ZNF547: variants seen among roughly 807,000 people sequenced by gnomAD.
The protein encoded by ZNF547 is zinc finger protein 547.
In ZNF547, 4 loss-of-function variants were observed where a neutral mutation model predicts 7.7. That is an observed-to-expected ratio of 0.52 (90% CI 0.26 to 1.20). The LOEUF (loss-of-function observed/expected upper bound fraction) is 1.20. ZNF547 is among the 50% of genes most tolerant of loss of function. ZNF547 has a pLI of 0.14. For missense variants in ZNF547, 449 were observed against 485.8 expected (o/e 0.92, Z 0.71); for synonymous variants, 166 against 166.2 (o/e 1.00, Z 0.01).
Position 57,371,815 on chromosome 19 carries a change from T to G in ZNF547, c.58T>G (p.Phe20Val). Residue 20 changes from phenylalanine to valine, a missense_variant, in exon 3 of 4, where the codon TTC (phenylalanine) becomes GTC (valine). Transcript: ENST00000282282. The stretch of plus-strand genomic sequence containing the variant: ...GGTTTTTGAAGACGTGGCCATATAT[T>G]TCTCCCAGGAGGAGTGGGGGCATCT... ...HVVFEDVAIY[F>V]SQEEWGHLDE... is the part of the protein sequence containing the mutation. The G allele has an allele frequency of 1.2e-6, 2 of 1,613,316 alleles. No individual in the cohort carries two copies. The highest frequency in any genetic ancestry group is 1.7e-6 in the Non-Finnish European group (2 of 1,179,736).
chr19:57,373,035 T>C (rs2088515868), intron 3 of ZNF547, among the ~76,000 whole-genome samples: 1 of 152,256 alleles, frequency 6.6e-6, no homozygotes, highest in African/African-American at 2.4e-5. Flanking sequence ...CTTCTTCTCA[T>C]TGGCCTTAGT....
At chr19:57,377,097 A>G (rs1294051433) in intron 3 of ZNF547, 31 bp from the exon 4 acceptor site, 2 of 1,591,966 alleles carry the variant, frequency 1.3e-6, no homozygotes, top group East Asian at 2.2e-5. Context: ...CACAGTCAAC[A>G]TGCACCTCAC....
intron 1 of ZNF547, chr19:57,365,319 T>C: frequency 1.8e-6 from 2 of 1,100,372 alleles, no homozygotes; most frequent in Non-Finnish European, 2.7e-6. Flanking sequence ...ATGTGTACAT[T>C]GTAAATTACT....
chr19:57,372,034 T>A, intron 3 of ZNF547, 126 bp downstream of exon 3: 1 of 1,416,382 alleles, frequency 7.1e-7, no homozygotes, highest in Non-Finnish European at 9.4e-7. Flanking sequence ...TCCTGACATA[T>A]GTTCCATGAG....
At chr19:57,375,427 G>A (rs903832838) in intron 3 of ZNF547, among the ~76,000 whole-genome samples, 1 of 151,692 alleles carries the variant, frequency 6.6e-6, no homozygotes, top group African/African-American at 2.4e-5. Context: ...TGAGGTGGAC[G>A]GGTCACTTGA....
At chr19:57,365,288 C>T (rs748713518) in intron 1 of ZNF547, 15 of 1,386,584 alleles carry the variant, frequency 1.1e-5, no homozygotes, top group East Asian at 2.5e-5. Context: ...ATTATATCAC[C>T]ACAATGGTGT....
chr19:57,364,021 C>G (rs2088443244), intron 1 of ZNF547: 1 of 152,186 alleles, frequency 6.6e-6, no homozygotes, highest in African/African-American at 2.4e-5. Flanking sequence ...GGAAGGTTGT[C>G]AAGGGAAGAC....
At chr19:57,364,342 A>G (rs574888521) in intron 1 of ZNF547, 67 of 160,262 alleles carry the variant, frequency 4.2e-4, no homozygotes, top group Admixed American at 8.3e-4. Context: ...CATGGGTTGG[A>G]GTTTGGCCAG....
intron 3 of ZNF547, among the ~76,000 whole-genome samples, chr19:57,375,661 CAAAA>C (rs67290425): frequency 2.2e-5 from 2 of 91,496 alleles, no homozygotes; most frequent in African/African-American, 7.8e-5. Context: ...GAGTTTGTCT[CAAAA>C]AAAAAAAAAA....
intron 2 of ZNF547, chr19:57,371,562 T>C: frequency 1.6e-6 from 1 of 626,770 alleles, no homozygotes; most frequent in Non-Finnish European, 2.6e-6. Context: ...TGTCCCTGGG[T>C]TGATTTAGAG....
intron 2 of ZNF547, among the ~76,000 whole-genome samples, chr19:57,370,007 C>G (rs1404716109): frequency 7.2e-6 from 1 of 138,084 alleles, no homozygotes. Context: ...ATTCTTCTGC[C>G]TCAGCCTCCT....
chr19:57,366,524 G>A (rs140193851), intron 1 of ZNF547, among the ~76,000 whole-genome samples: 25 of 145,682 alleles, frequency 1.7e-4, no homozygotes, highest in African/African-American at 4.9e-4. Flanking sequence ...ATAAGCTTTC[G>A]ACTTGCCCAA....
chr19:57,369,176 C>T (rs998470128), intron 2 of ZNF547, among the ~76,000 whole-genome samples: 49 of 152,068 alleles, frequency 3.2e-4, no homozygotes, highest in African/African-American at 1.1e-3. Context: ...GATGTTCCTG[C>T]AGCAGTCTAG....
chr19:57,371,974 G>T, intron 3 of ZNF547, 66 bp downstream of exon 3: 12 of 1,493,876 alleles, frequency 8.0e-6, no homozygotes, highest in Non-Finnish European at 1.1e-5. Context: ...CCTGAAGGCA[G>T]CTCTGCGTTT....
intron 1 of ZNF547, chr19:57,364,817 G>A (rs778395292): frequency 1.3e-6 from 2 of 1,588,894 alleles, no homozygotes; most frequent in Non-Finnish European, 1.7e-6. Flanking sequence ...CGCTGCAGGA[G>A]CCATATATTG....
chr19:57,372,258 A>G (rs1460828225), intron 3 of ZNF547, among the ~76,000 whole-genome samples: 1 of 152,098 alleles, frequency 6.6e-6, no homozygotes, highest in African/African-American at 2.4e-5. Context: ...TTGTTCCTGG[A>G]ATTTCTGGCA....
At chr19:57,367,818 T>C (rs1335632190) in intron 1 of ZNF547, among the ~76,000 whole-genome samples, 1 of 152,198 alleles carries the variant, frequency 6.6e-6, no homozygotes, top group Non-Finnish European at 1.5e-5. Context: ...GGCACTGCTT[T>C]TTCCCCTTCT....
intron 3 of ZNF547, among the ~76,000 whole-genome samples, chr19:57,375,306 T>A (rs2088529160): frequency 6.6e-6 from 1 of 151,876 alleles, no homozygotes; most frequent in Non-Finnish European, 1.5e-5. Context: ...GCTGAGATCG[T>A]GCCACTGCAC....
chr19:57,373,501 C>T (rs1273472002), intron 3 of ZNF547, among the ~76,000 whole-genome samples: 1 of 151,496 alleles, frequency 6.6e-6, no homozygotes, highest in African/African-American at 2.4e-5. Flanking sequence ...AACAGTCCTC[C>T]AAACTCTTAA....
Sources: gnomAD v4.1 joint callset for allele counts (sites outside exome capture counted in the v4.1 genomes callset) on GRCh38, gnomAD v4.1.1 for gene constraint, MANE v1.5 for transcripts, NCBI Gene and HGNC (gene_info 2026-07-23, HGNC 2026-07-21) for gene names.